SYT7: variants seen among roughly 807,000 people sequenced by gnomAD.
The protein encoded by SYT7 is synaptotagmin 7.
In SYT7, 29 loss-of-function variants were observed where a neutral mutation model predicts 75.1. That is an observed-to-expected ratio of 0.39 (90% CI 0.29 to 0.53). SYT7 has a LOEUF of 0.53. SYT7 is among the 20% of genes least tolerant of loss of function. SYT7 has a pLI of 0.77. For synonymous variants in SYT7, 376 were observed against 401.7 expected, an observed-to-expected ratio of 0.94 and a Z score of 0.76; for missense variants, 693 against 953.2, an observed-to-expected ratio of 0.73 and a Z score of 3.59.
At chr11:61,555,820 T>C (rs912402553) in intron 2 of SYT7, among the ~76,000 whole-genome samples, 11 of 152,066 alleles carry the variant, frequency 7.2e-5, no homozygotes, top group Non-Finnish European at 1.6e-4. Flanking sequence ...TGCGAATGCC[T>C]GTGAGTCCTA....
chr11:61,566,922 T>C (rs900974407), intron 1 of SYT7, among the ~76,000 whole-genome samples: 1 of 152,218 alleles, frequency 6.6e-6, no homozygotes, highest in African/African-American at 2.4e-5. Flanking sequence ...ACGGGCCACC[T>C]GCCCGAATGC....
At chr11:61,531,060 T>A (rs572155288) in intron 8 of SYT7, 4 of 985,326 alleles carry the variant, frequency 4.1e-6, no homozygotes, top group Non-Finnish European at 4.8e-6. Context: ...TGCTTAACTC[T>A]TGTCTCTTGA....
chr11:61,552,465 C>T (rs993819804), intron 2 of SYT7, among the ~76,000 whole-genome samples: 5 of 138,756 alleles, frequency 3.6e-5, no homozygotes, highest in Non-Finnish European at 5.9e-5. Flanking sequence ...CACACACACA[C>T]ACACATGCAC....
At chr11:61,540,542 T>C (rs1467971188) in intron 6 of SYT7, 8 of 985,442 alleles carry the variant, frequency 8.1e-6, no homozygotes, top group East Asian at 2.3e-4. Flanking sequence ...TGCCAGCAAC[T>C]AGGGGGACAT....
chr11:61,520,125 C>T (rs541425134), intron 12 of SYT7, among the ~76,000 whole-genome samples: 1 of 137,086 alleles, frequency 7.3e-6, no homozygotes. Flanking sequence ...CTCCTGACCT[C>T]GTGATCTGCC....
At chr11:61,531,035 T>C (rs1446596506) in intron 8 of SYT7, 6 of 985,330 alleles carry the variant, frequency 6.1e-6, no homozygotes, top group African/African-American at 1.7e-5. Context: ...AGCTCCTTCT[T>C]TGGCCAGCTC....
intron 1 of SYT7, among the ~76,000 whole-genome samples, chr11:61,560,534 C>A (rs976006954): frequency 6.6e-6 from 1 of 152,202 alleles, no homozygotes; most frequent in Non-Finnish European, 1.5e-5. Flanking sequence ...CCAGACCCTT[C>A]AGCCTCCCTC....
chr11:61,588,130 C>T, the SYT7 span, among the ~76,000 whole-genome samples: 1 of 152,206 alleles, frequency 6.6e-6, no homozygotes, highest in African/African-American at 2.4e-5. Context: ...GGGGCCCCAG[C>T]ACTCCGAGAG....
At chr11:61,556,428 A>T (rs1321730986) in intron 1 of SYT7, among the ~76,000 whole-genome samples, 1 of 152,224 alleles carries the variant, frequency 6.6e-6, no homozygotes, top group Non-Finnish European at 1.5e-5. Context: ...AAACTGTGCC[A>T]GTTGGCATCT....
intron 5 of SYT7, among the ~76,000 whole-genome samples, chr11:61,545,371 A>G (rs1590886476): frequency 6.6e-6 from 1 of 152,224 alleles, no homozygotes; most frequent in African/African-American, 2.4e-5. Flanking sequence ...CACGGTCCCA[A>G]CAGCCAGTGG....
chr11:61,523,804 C>T lies in SYT7; in HGVS notation c.1756+23G>A. ...ACCAGCACCTCCCCGGCCCGCCCATCCTCTGCTGGAGAAGCCCCGTACCTG... is the reference window on the plus strand; with the variant it reads ...ACCAGCACCTCCCCGGCCCGCCCATTCTCTGCTGGAGAAGCCCCGTACCTG... On this transcript the variant is annotated intron_variant, in intron 11 of 12. Coordinates refer to ENST00000539008, the MANE Select transcript of SYT7 (RefSeq NM_001365809.2). The surrounding 1 kb of genome is among the most constrained non-coding windows in gnomAD (Gnocchi z 5.0). The T allele has an allele frequency of 6.2e-7, 1 of 1,609,368 alleles. No homozygotes were observed. The highest frequency in any genetic ancestry group is 1.1e-5 in the South Asian group (1 of 90,974).
chr11:61,537,805 G>A (rs1423898507), intron 7 of SYT7, among the ~76,000 whole-genome samples: 1 of 152,178 alleles, frequency 6.6e-6, no homozygotes, highest in Admixed American at 6.5e-5. Context: ...TCCAGTTGGG[G>A]TGGGGACAGA....
intron 7 of SYT7, among the ~76,000 whole-genome samples, chr11:61,537,734 C>T (rs534460602): frequency 5.9e-5 from 9 of 152,174 alleles, no homozygotes; most frequent in South Asian, 4.1e-4. Context: ...TGAGGGAGAA[C>T]GGGCTGGCGC....
chr11:61,558,254 C>T (rs1394850834), intron 1 of SYT7, among the ~76,000 whole-genome samples: 2 of 151,992 alleles, frequency 1.3e-5, no homozygotes, highest in East Asian at 1.9e-4. Context: ...GTCAGGAATT[C>T]GAGGCCAACA....
intron 1 of SYT7, among the ~76,000 whole-genome samples, chr11:61,557,524 C>T (rs1023432257): frequency 1.3e-5 from 2 of 152,088 alleles, no homozygotes; most frequent in Non-Finnish European, 2.9e-5. Flanking sequence ...ACTCCAGCAC[C>T]CTGGGCAGCC....
In SYT7 at chr11:61,524,603, G is replaced by A. The variant is rs2062454742; in HGVS notation, c.1472-71C>T. On this transcript the variant is annotated intron_variant, in intron 9 of 12. Coordinates refer to ENST00000539008, the MANE Select transcript of SYT7 (RefSeq NM_001365809.2). This position sits in a 1 kb window ranked among gnomAD's most constrained non-coding sequence, Gnocchi z 4.1. ...GCACGGGGCCCGGGAGGCAAGGAAG[G>A]CCCTGGGAAGAGGAGGCAGGCCCTG... The A allele has an allele frequency of 6.8e-7, 1 of 1,473,394 alleles. No individual in the cohort carries two copies. Among genetic ancestry groups the A allele is most frequent in the East Asian group, 2.4e-5 (1 of 42,426 alleles). The allele number at this position is 1,473,394 out of a possible 1,614,324, so 91.3% of individuals were successfully genotyped here. A position where few individuals can be genotyped will look rare whatever the true frequency, so the allele number is the denominator to read the frequency against.
rs1565180220 is a variant in SYT7, at chr11:61,538,342, A to AGAGGGAGAGG, written c.942-77_942-76insCCTCTCCCTC. 4.0e-5 allele frequency: 34 copies of AGAGGGAGAGG among 848,778 alleles called. No individual in the cohort carries two copies. The African/African-American group carries it at 6.8e-4, about 17-fold the overall frequency. 52.6% of individuals were successfully genotyped at this position (848,778 alleles called of 1,614,324 possible). A position where few individuals can be genotyped will look rare whatever the true frequency, so the allele number is the denominator to read the frequency against. On this transcript the variant is annotated intron_variant, in intron 6 of 12. Coordinates refer to ENST00000539008, the MANE Select transcript of SYT7 (RefSeq NM_001365809.2). ...GGGCGGGGGCAGGGGGGAAGGAGAG[A>AGAGGGAGAGG]GAGGGAGAGAGAGAGAGAGAGAGAG... is the stretch of plus-strand genomic sequence containing the variant.
rs888377555 is a variant in SYT7 at position 61,542,189 on chromosome 11, C to T, written c.941+22G>A. ...GCTGGGTCAGGGAGGTGGGGGCCGG[C>T]CCGCTCAAGGGGAGGACTTACAGGA... On this transcript the variant is annotated intron_variant, in intron 6 of 12. Transcript: ENST00000539008. The surrounding 1 kb of genome is among the most constrained non-coding windows in gnomAD (Gnocchi z 7.8). 13 of 1,528,552 alleles carry T rather than the reference C, an allele frequency of 8.5e-6. No individual in the cohort carries two copies. The highest frequency in any genetic ancestry group is 8.3e-5 in the African/African-American group (6 of 72,174). The allele number at this position is 1,528,552 out of a possible 1,614,324, so 94.7% of individuals were successfully genotyped here.
rs2064223492 is a variant in SYT7, at chr11:61,580,427, G to A, written c.31+363C>T. ...GTCCGCCAGCGCTGGCACCCCCGGG[G>A]CACCGGTGCTGGGGAGCCTCGGGTG... On this transcript the variant is annotated intron_variant, in intron 1 of 12. Transcript: ENST00000539008. This position sits in a 1 kb window ranked among gnomAD's most constrained non-coding sequence, Gnocchi z 6.1. 6.6e-6 allele frequency among the ~76,000 whole-genome samples: 1 copy of A among 152,138 alleles called. No homozygotes were observed. Among genetic ancestry groups the A allele is most frequent in the African/African-American group, 2.4e-5 (1 of 41,446 alleles).
Sources: gnomAD v4.1 joint callset for allele counts (sites outside exome capture counted in the v4.1 genomes callset) on GRCh38, gnomAD v4.1.1 for gene constraint, Gnocchi (gnomAD v3.1) non-coding constraint, MANE v1.5 for transcripts, NCBI Gene and HGNC (gene_info 2026-07-23, HGNC 2026-07-21) for gene names.